Variants in KIF2C observed in about 807,000 individuals in gnomAD.
KIF2C encodes the protein kinesin-like protein KIF2C.
In KIF2C, 34 loss-of-function variants were observed where a neutral mutation model predicts 97.4. The ratio of observed to expected loss-of-function variants is 0.35; its 90% CI spans 0.27 to 0.46. The LOEUF is 0.46. KIF2C is among the 20% of genes least tolerant of loss of function. The pLI is 1.00. For missense variants in KIF2C, 750 were observed against 907.6 expected, an observed-to-expected ratio of 0.83 and a Z score of 2.23; for synonymous variants, 313 against 318.2, an observed-to-expected ratio of 0.98 and a Z score of 0.17.
At chr1:44,754,966 T>A (rs559649643) in intron 8 of KIF2C, 121 bp downstream of exon 8, 62 of 636,458 alleles carry the variant, frequency 9.7e-5, no homozygotes, top group African/African-American at 2.4e-4. Context: ...TATTATTATT[T>A]TTTTTTGAGA....
rs747375152 is a variant in KIF2C at position 44,758,003 on chromosome 1, G to A, written c.1132+32G>A. 2.3e-5 allele frequency: 37 copies of A among 1,613,894 alleles called. No homozygotes were observed. The African/African-American group carries it at 3.9e-4, about 17-fold the overall frequency. ...ACTGTGTACTGCTGCTTCAGGGTTG[G>A]GCACAGAAAGGCAGGTTGTTTGCTT... On this transcript the variant is annotated intron_variant, in intron 12 of 20. Transcript: ENST00000372224.
chr1:44,750,473 T>A lies in KIF2C; in HGVS notation c.348T>A (p.Thr116=). Reference sequence around the variant, plus strand: ...GAAGCCGCTCCACTCGCATGTCCACTGTCTCAGAGCTTCGCATCACGGCTC... The same window carrying A: ...GAAGCCGCTCCACTCGCATGTCCACAGTCTCAGAGCTTCGCATCACGGCTC... ...SLRSRSTRMS[T]VSELRITAQE... is the part of the protein sequence containing the mutation. Residue 116 remains threonine (T), a synonymous_variant, in exon 5 of 21, where the codon ACT becomes ACA. Coordinates refer to ENST00000372224, the MANE Select transcript of KIF2C (RefSeq NM_006845.4). The A allele has an allele frequency of 6.4e-7, 1 of 1,565,534 alleles. No homozygotes were observed. Among genetic ancestry groups the A allele is most frequent in the Non-Finnish European group, 8.7e-7 (1 of 1,152,154 alleles).
chr1:44,746,124 C>T (rs562626115), intron 2 of KIF2C, among the ~76,000 whole-genome samples: 6 of 151,488 alleles, frequency 4.0e-5, no homozygotes, highest in African/African-American at 1.5e-4. Context: ...GTAATCCGCC[C>T]ACCTCGGCCT....
chr1:44,742,718 C>CAAAA (rs5773851), intron 2 of KIF2C, among the ~76,000 whole-genome samples: 4 of 87,328 alleles, frequency 4.6e-5, no homozygotes, highest in Admixed American at 1.2e-4. Context: ...AACTTCGTCT[C>CAAAA]AAAAAAAAAA....
chr1:44,750,339 G>C, intron 4 of KIF2C, 103 bp from the exon 5 acceptor site: 1 of 1,232,830 alleles, frequency 8.1e-7, no homozygotes, highest in Non-Finnish European at 1.0e-6. Context: ...CCCCTTTCCT[G>C]GTAGCTGGGA....
At chr1:44,741,377 C>G (rs1427519392) in intron 2 of KIF2C, among the ~76,000 whole-genome samples, 1 of 136,406 alleles carries the variant, frequency 7.3e-6, no homozygotes, top group Non-Finnish European at 1.5e-5. Context: ...GAGAATCTGT[C>G]TCAAAAAAAA....
chr1:44,760,830 T>G lies in KIF2C; in HGVS notation c.1683+128T>G. 1 of 711,124 alleles carries G rather than the reference T, an allele frequency of 1.4e-6. No individual in the cohort carries two copies. Among genetic ancestry groups the G allele is most frequent in the South Asian group, 1.7e-5 (1 of 57,898 alleles). 44.1% of individuals were successfully genotyped at this position (711,124 alleles called of 1,614,324 possible). On this transcript the variant is annotated intron_variant, in intron 16 of 20. Transcript: ENST00000372224. This position sits in a 1 kb window ranked among gnomAD's most constrained non-coding sequence, Gnocchi z 4.2. ...CTGCCTGGGTTTCCAGGCTGTACCG[T>G]GACTGGGCTTCCAGACCCTGCTTTA...
At chr1:44,753,687 C>T (rs2148827017) in intron 6 of KIF2C, 46 bp from the exon 7 acceptor site, 1 of 1,386,662 alleles carries the variant, frequency 7.2e-7, no homozygotes, top group East Asian at 2.3e-5. Context: ...AAACTGGTAA[C>T]AGAGTGGGCT....
Position 44,740,911 on chromosome 1 carries a change from A to C in KIF2C, c.71-2A>C. ...TAACTCTGGTTTTTTCATACTTTATAGGTTTAATTCACAGTGCCAATGTAA... is the reference window on the plus strand; with the variant it reads ...TAACTCTGGTTTTTTCATACTTTATCGGTTTAATTCACAGTGCCAATGTAA... On this transcript the variant is annotated splice_acceptor_variant, in intron 1 of 20. Transcript: ENST00000372224. LOFTEE classifies it high-confidence loss of function. 5 of 1,606,580 alleles carry C rather than the reference A, an allele frequency of 3.1e-6. No individual in the cohort carries two copies. Among genetic ancestry groups the C allele is most frequent in the Non-Finnish European group, 4.3e-6 (5 of 1,175,006 alleles).
intron 5 of KIF2C, among the ~76,000 whole-genome samples, chr1:44,751,242 C>G (rs1649494997): frequency 6.6e-6 from 1 of 152,026 alleles, no homozygotes; most frequent in African/African-American, 2.4e-5. Flanking sequence ...GTCACCCAGG[C>G]TGGAGTGCAA....
At chr1:44,763,885 T>C (rs1478857631) in intron 19 of KIF2C, among the ~76,000 whole-genome samples, 1 of 151,968 alleles carries the variant, frequency 6.6e-6, no homozygotes, top group African/African-American at 2.4e-5. Context: ...TACAAAAAAT[T>C]AGCCGAGTAT....
chr1:44,754,980 G>A, intron 8 of KIF2C, 135 bp downstream of exon 8: 1 of 601,218 alleles, frequency 1.7e-6, no homozygotes, highest in Non-Finnish European at 2.9e-6. Flanking sequence ...TTTGAGATGG[G>A]GTCTCACTCT....
chr1:44,744,783 C>T (rs769945607), intron 2 of KIF2C, among the ~76,000 whole-genome samples: 1 of 151,872 alleles, frequency 6.6e-6, no homozygotes. Context: ...ACCTGTAGTC[C>T]CAGCTACTCA....
Position 44,753,967 on chromosome 1 carries a change from T to C in KIF2C, c.663+134T>C, listed in dbSNP as rs1037021963. 4 of 417,870 alleles carry C rather than the reference T, an allele frequency of 9.6e-6. 1 individual carries two copies. The highest frequency in any genetic ancestry group is 2.4e-5 in the African/African-American group (1 of 41,068). 25.9% of individuals were successfully genotyped at this position (417,870 alleles called of 1,614,324 possible). ...TCTTGAGGCCCCAATTCTTTTTTTT[T>C]TTTTTTTTTTTTTTTTTTGCTCTGT... On this transcript the variant is annotated intron_variant, in intron 7 of 20. Transcript: ENST00000372224.
chr1:44,745,490 T>TTTTTTTTA (rs1649142968), intron 2 of KIF2C, among the ~76,000 whole-genome samples: 2 of 142,430 alleles, frequency 1.4e-5, no homozygotes, highest in Admixed American at 1.4e-4. Context: ...TTTTTTTTTT[T>TTTTTTTTA]GAGACAGTGT....
chr1:44,766,157 C>T (rs765586979), intron 19 of KIF2C, among the ~76,000 whole-genome samples: 10 of 152,056 alleles, frequency 6.6e-5, no homozygotes, highest in East Asian at 1.9e-4. Context: ...ACCTGGGAGG[C>T]GGAGGTTGCA....
intron 4 of KIF2C, chr1:44,750,208 G>A (rs986621634): frequency 1.8e-5 from 6 of 340,800 alleles, no homozygotes; most frequent in Non-Finnish European, 3.2e-5. Flanking sequence ...CGCTCTTTGT[G>A]GGAGATATCC....
At chr1:44,746,831 G>A (rs529977863) in intron 2 of KIF2C, 1 of 1,471,310 alleles carries the variant, frequency 6.8e-7, no homozygotes, top group East Asian at 2.4e-5. Context: ...AGTTGGTAAA[G>A]TTTGAATTTA....
chr1:44,755,918 T>C lies in KIF2C; in HGVS notation c.760-11T>C, dbSNP rs772822372. The stretch of plus-strand genomic sequence containing the variant: ...CTTTGCTGTTGGTTGCCTCCTCTCA[T>C]CCGCTTGCAGATCGAAGAGCACAGA... On this transcript the variant is annotated splice_polypyrimidine_tract_variant and intron_variant, in intron 8 of 20. Transcript: ENST00000372224. 1 of 1,613,468 alleles carries C rather than the reference T, an allele frequency of 6.2e-7. No individual in the cohort carries two copies. Among genetic ancestry groups the C allele is most frequent in the East Asian group, 2.2e-5 (1 of 44,878 alleles).
Sources: gnomAD v4.1 joint callset for allele counts (sites outside exome capture counted in the v4.1 genomes callset) on GRCh38, gnomAD v4.1.1 for gene constraint, Gnocchi (gnomAD v3.1) non-coding constraint, MANE v1.5 for transcripts, NCBI Gene and HGNC (gene_info 2026-07-23, HGNC 2026-07-21) for gene names.